Variants in AKR1C3 observed in about 807,000 individuals in gnomAD.
AKR1C3 encodes aldo-keto reductase family 1 member C3.
In AKR1C3, 48 loss-of-function variants were observed where a neutral mutation model predicts 43.6. The observed-to-expected ratio is 1.10, with a 90% CI of 0.87 to 1.40. The LOEUF (loss-of-function observed/expected upper bound fraction) is 1.40. Among genes scored for constraint, AKR1C3 ranks in the 40% most tolerant of loss-of-function variants. The probability of loss-of-function intolerance (pLI) is 0.00; values close to 1 mark genes in which losing one functional copy is unlikely to be tolerated. For missense variants in AKR1C3, 482 were observed against 391.2 expected (o/e 1.23, Z -1.96); for synonymous variants, 162 against 139.6 (o/e 1.16, Z -1.13).
intron 7 of AKR1C3, among the ~76,000 whole-genome samples, chr10:5,103,874 G>C (rs587662474): frequency 2.2e-4 from 33 of 152,268 alleles, no homozygotes; most frequent in African/African-American, 7.7e-4. Flanking sequence ...GTGAGTGTTG[G>C]AGGAAGTGTT....
intron 1 of AKR1C3, among the ~76,000 whole-genome samples, chr10:5,086,063 GTC>G (rs1375850064): frequency 3.3e-5 from 5 of 151,622 alleles, no homozygotes; most frequent in African/African-American, 1.2e-4. Context: ...GGTTTTTTGT[GTC>G]TCTATTTCCT....
At position 5,063,765 on chromosome 10, in the gene AKR1C3, C is replaced by CAAAAAAAAAAAAAAAAAAAAAAA; in HGVS notation, c.84+14872_84+14894dup. ...AGGACAGAGGTAGTCTCTGTCTCAG[C>CAAAAAAAAAAAAAAAAAAAAAAA]AAAAAAAAAAAAAAAAAAAAAAAAG... On this transcript the variant is annotated intron_variant, in intron 1 of 8. Transcript: ENST00000439082. Among the ~76,000 whole-genome samples, 47 of 46,430 alleles carry CAAAAAAAAAAAAAAAAAAAAAAA rather than the reference C, an allele frequency of 1.0e-3. 3 individuals carry two copies. Among genetic ancestry groups the CAAAAAAAAAAAAAAAAAAAAAAA allele is most frequent in the Non-Finnish European group, 1.1e-3 (29 of 26,080 alleles). The allele number at this position is 46,430 out of a possible 152,430, so 30.5% of individuals were successfully genotyped here.
At chr10:5,060,748 G>C (rs555831270) in intron 1 of AKR1C3, among the ~76,000 whole-genome samples, 46 of 151,252 alleles carry the variant, frequency 3.0e-4, no homozygotes, top group Non-Finnish European at 5.6e-4. Context: ...GGTGGCACTT[G>C]TTGGGGAGGC....
intron 3 of AKR1C3, among the ~76,000 whole-genome samples, chr10:5,098,595 TATA>T (rs1200294188): frequency 6.6e-6 from 1 of 152,224 alleles, no homozygotes. Flanking sequence ...TTTCCATGCA[TATA>T]ATATTTGTAA....
intron 1 of AKR1C3, among the ~76,000 whole-genome samples, chr10:5,088,768 A>T (rs1479554395): frequency 6.6e-6 from 1 of 151,540 alleles, no homozygotes; most frequent in Non-Finnish European, 1.5e-5. Context: ...TTTCTGTTCT[A>T]TTTCTTTTAA....
At chr10:5,081,713 T>C (rs1318067050) in intron 1 of AKR1C3, 1 of 26,612 alleles carries the variant, frequency 3.8e-5, no homozygotes, top group Non-Finnish European at 9.2e-5. Flanking sequence ...TACTCCCCAT[T>C]TTCTTCCCTC....
At chr10:5,081,893 C>T (rs1366984379) in intron 1 of AKR1C3, 6 of 152,176 alleles carry the variant, frequency 3.9e-5, no homozygotes, top group Admixed American at 3.3e-4. Context: ...CCAGTGAGCT[C>T]CTGATTTCTT....
intron 1 of AKR1C3, among the ~76,000 whole-genome samples, chr10:5,084,881 CT>C (rs1554782782): frequency 6.6e-6 from 1 of 152,046 alleles, no homozygotes; most frequent in Non-Finnish European, 1.5e-5. Context: ...CTCTGTTTGT[CT>C]TTTATTGGTG....
In AKR1C3 at chr10:5,097,574, A is replaced by C. The variant is rs1164700041; in HGVS notation, c.369+24A>C. The stretch of plus-strand genomic sequence containing the variant: ...AGGTATGCAGTTTGTATGAGCATAA[A>C]ATTGCGCTTCTGCTGTCATTATAAA... On this transcript the variant is annotated intron_variant, in intron 3 of 8. Transcript: ENST00000380554. The C allele has an allele frequency of 2.2e-5, 36 of 1,612,722 alleles. No homozygotes were observed. The Admixed American group carries it at 6.0e-4, about 27-fold the overall frequency.
chr10:5,105,258 ATTCTTGTGGGCC>A (rs1839469948), intron 7 of AKR1C3: 2 of 185,198 alleles, frequency 1.1e-5, no homozygotes, highest in African/African-American at 4.7e-5. Context: ...TTGCCTCTAG[ATTCTTGTGGGCC>A]TTCTAGGTAC....
chr10:5,073,183 C>T (rs368003332), intron 1 of AKR1C3, among the ~76,000 whole-genome samples: 297 of 152,174 alleles, frequency 2.0e-3, no homozygotes, highest in African/African-American at 6.1e-3. Flanking sequence ...AGGCTGGTCT[C>T]GAACCCTTGT....
intron 1 of AKR1C3, among the ~76,000 whole-genome samples, chr10:5,062,754 G>C (rs1388231204): frequency 6.6e-6 from 1 of 151,352 alleles, no homozygotes; most frequent in African/African-American, 2.4e-5. Context: ...TTCCAGATGT[G>C]AGATAATCAT....
Position 5,096,290 on chromosome 10 carries a change from C to T in AKR1C3, c.85-120C>T, listed in dbSNP as rs140602833. On this transcript the variant is annotated intron_variant, in intron 1 of 8. Transcript: ENST00000380554. ...AAAGACTCAGGCAAACTGAGATGGA[C>T]TTTTCACCCCACATACAGACAGGAG... 3.0e-4 allele frequency: 379 copies of T among 1,264,136 alleles called. 4 individuals are homozygous for T. In the East Asian group the frequency reaches 9.3e-3, roughly 31 times the overall value. The allele number at this position is 1,264,136 out of a possible 1,614,324, so 78.3% of individuals were successfully genotyped here. A position where few individuals can be genotyped will look rare whatever the true frequency, so the allele number is the denominator to read the frequency against.
intron 1 of AKR1C3, among the ~76,000 whole-genome samples, chr10:5,088,820 A>G (rs189707617): frequency 6.6e-6 from 1 of 152,092 alleles, no homozygotes; most frequent in Admixed American, 6.6e-5. Context: ...TAACCTAGAT[A>G]TATGAGCTTT....
intron 1 of AKR1C3, among the ~76,000 whole-genome samples, chr10:5,078,516 C>A (rs572502011): frequency 6.6e-6 from 1 of 152,222 alleles, no homozygotes; most frequent in East Asian, 1.9e-4. Context: ...GGTAAACTGC[C>A]ACCACGAGTG....
chr10:5,107,420 T>G, intron 8 of AKR1C3, 41 bp from the exon 9 acceptor site: 1 of 1,344,080 alleles, frequency 7.4e-7, no homozygotes, highest in African/African-American at 1.4e-5. Flanking sequence ...CCCCTAGTAA[T>G]GGAGTCATTG....
At chr10:5,072,848 G>T (rs901270653) in intron 1 of AKR1C3, among the ~76,000 whole-genome samples, 11 of 152,254 alleles carry the variant, frequency 7.2e-5, no homozygotes, top group African/African-American at 2.2e-4. Context: ...TGCATGTAAG[G>T]ATTATATTTC....
chr10:5,098,018 A>G, intron 3 of AKR1C3: 1 of 1,005,230 alleles, frequency 9.9e-7, no homozygotes, highest in Non-Finnish European at 1.2e-6. Context: ...GGACTTGCAA[A>G]GCTTTATTAT....
intron 5 of AKR1C3, among the ~76,000 whole-genome samples, chr10:5,100,909 T>G (rs960816168): frequency 1.3e-5 from 2 of 151,998 alleles, no homozygotes; most frequent in Non-Finnish European, 2.9e-5. Context: ...TGTGGGTATA[T>G]CTGCATAAAT....
Sources: gnomAD v4.1 joint callset for allele counts (sites outside exome capture counted in the v4.1 genomes callset) on GRCh38, gnomAD v4.1.1 for gene constraint, MANE v1.5 for transcripts, NCBI Gene and HGNC (gene_info 2026-07-23, HGNC 2026-07-21) for gene names.